SLC12A3: variants seen among roughly 807,000 people sequenced by gnomAD.
The protein encoded by SLC12A3 is solute carrier family 12 member 3, also known as Na-Cl cotransporter.
Under a neutral mutation model 121.0 loss-of-function variants are expected in SLC12A3, and 104 were observed. That is an observed-to-expected ratio of 0.86 (90% CI 0.73 to 1.01). The LOEUF (loss-of-function observed/expected upper bound fraction) is 1.01, where lower values mean the gene tolerates loss of function less well. SLC12A3 is among the 50% of genes least tolerant of loss of function. SLC12A3 has a pLI of 0.00. For missense variants in SLC12A3, 1,328 were observed against 1,356.3 expected (o/e 0.98, Z 0.33); for synonymous variants, 536 against 533.4 (o/e 1.00, Z -0.07).
chr16:56,904,588 G>C, intron 25 of SLC12A3, 126 bp downstream of exon 25: 1 of 901,828 alleles, frequency 1.1e-6, no homozygotes, highest in Non-Finnish European at 1.8e-6. Context: ...AAGGGCCAAA[G>C]TTCCCATAAA....
chr16:56,892,210 T>C, intron 20 of SLC12A3, 77 bp downstream of exon 20: 2 of 1,397,216 alleles, frequency 1.4e-6, no homozygotes, highest in Non-Finnish European at 2.0e-6. Context: ...GTGGGGTGGC[T>C]AGGGGTGGGC....
chr16:56,904,208 G>C lies in SLC12A3; in HGVS notation c.2857-187G>C, dbSNP rs1453098939. ...AATGCTTCTTGGAGGAGGTGAGCTT[G>C]GTGCTCCATTACTCTGAGGGTCCCC... On this transcript the variant is annotated intron_variant, in intron 24 of 25. Transcript: ENST00000563236. The C allele has an allele frequency of 9.9e-6, 6 of 605,056 alleles. No homozygotes were observed. In the East Asian group the frequency reaches 1.9e-4, roughly 19 times the overall value. The allele number at this position is 605,056 out of a possible 1,614,324, so 37.5% of individuals were successfully genotyped here. A position where few individuals can be genotyped will look rare whatever the true frequency, so the allele number is the denominator to read the frequency against.
At chr16:56,870,044 C>G in intron 4 of SLC12A3, 52 bp from the exon 5 acceptor site, 1 of 1,605,892 alleles carries the variant, frequency 6.2e-7, no homozygotes, top group African/African-American at 1.3e-5. Flanking sequence ...CCTGAGTCCA[C>G]CCCAGCCAAC....
Position 56,868,277 on chromosome 16 carries a change from T to C in SLC12A3, c.430-20T>C. ...TTGGGGTGTCCACCCAGGTGGCCTCTGACCCCCCTGTCCTCCCAGATTCGT... is the reference window on the plus strand; with the variant it reads ...TTGGGGTGTCCACCCAGGTGGCCTCCGACCCCCCTGTCCTCCCAGATTCGT... On this transcript the variant is annotated intron_variant, in intron 2 of 25. Transcript: ENST00000563236. 3 of 1,613,152 alleles carry C rather than the reference T, an allele frequency of 1.9e-6. No individual in the cohort carries two copies. The highest frequency in any genetic ancestry group is 2.5e-6 in the Non-Finnish European group (3 of 1,179,508).
chr16:56,873,798 G>A (rs1353297353), intron 8 of SLC12A3, among the ~76,000 whole-genome samples: 1 of 150,838 alleles, frequency 6.6e-6, no homozygotes, highest in Admixed American at 6.7e-5. Context: ...TGCAACCTCC[G>A]CCTCCCGGGT....
At chr16:56,886,549 C>A in intron 16 of SLC12A3, 74 bp downstream of exon 16, 1 of 1,339,042 alleles carries the variant, frequency 7.5e-7, no homozygotes, top group Non-Finnish European at 1.1e-6. Context: ...CTCTGGGGAG[C>A]CAAGACAGGT....
chr16:56,870,363 C>A, intron 5 of SLC12A3, 128 bp downstream of exon 5: 1 of 1,039,576 alleles, frequency 9.6e-7, no homozygotes, highest in Non-Finnish European at 1.4e-6. Flanking sequence ...ACAGCCTGAT[C>A]ACTGTGGGTG....
At chr16:56,875,303 C>T (rs1303514220) in intron 8 of SLC12A3, among the ~76,000 whole-genome samples, 2 of 152,150 alleles carry the variant, frequency 1.3e-5, no homozygotes, top group East Asian at 3.9e-4. Context: ...TCAGCTTCCC[C>T]AATTCTAAAA....
chr16:56,881,383 C>T (rs1000170021), intron 12 of SLC12A3, among the ~76,000 whole-genome samples: 8 of 151,880 alleles, frequency 5.3e-5, no homozygotes, highest in East Asian at 3.9e-4. Context: ...TCCTGCTCAC[C>T]GGGGCCCAGA....
At chr16:56,879,026 G>A (rs1341872329) in intron 9 of SLC12A3, 47 bp from the exon 10 acceptor site, 11 of 1,569,116 alleles carry the variant, frequency 7.0e-6, no homozygotes, top group Non-Finnish European at 9.5e-6. Flanking sequence ...AGAGGACAGA[G>A]TAAGGAGGGA....
chr16:56,892,090 C>T lies in SLC12A3; in HGVS notation c.2376C>T (p.Pro792=), dbSNP rs775878486. 10 of 1,613,238 alleles carry T rather than the reference C, an allele frequency of 6.2e-6. No individual in the cohort carries two copies. The highest frequency in any genetic ancestry group is 4.5e-5 in the East Asian group (2 of 44,870). The change falls in exon 20 of 26, where the codon CCC becomes CCT. Residue 792 remains proline, a synonymous_variant. Transcript: ENST00000563236. ...CTGCCTCTTCTTTTGCAGTTAACCC[C>T]GTGTTTGACCCAGCGGAGGACGGGA... is the stretch of plus-strand genomic sequence containing the variant. ...VSKMMQAHIN[P]VFDPAEDGKE... is the part of the protein sequence containing the mutation.
chr16:56,912,984 G>A (rs753598719), intron 25 of SLC12A3, among the ~76,000 whole-genome samples: 2 of 152,184 alleles, frequency 1.3e-5, no homozygotes, highest in African/African-American at 4.8e-5. Context: ...AGGGCATCGG[G>A]GGTGAGCAAG....
At chr16:56,908,630 C>T (rs2055641969) in intron 25 of SLC12A3, among the ~76,000 whole-genome samples, 2 of 152,208 alleles carry the variant, frequency 1.3e-5, no homozygotes, top group African/African-American at 2.4e-5. Context: ...GCTGGTTGCA[C>T]ACCCAGGAAG....
intron 8 of SLC12A3, 105 bp downstream of exon 8, chr16:56,872,891 G>A: frequency 2.0e-6 from 3 of 1,480,674 alleles, no homozygotes; most frequent in South Asian, 1.1e-5. Flanking sequence ...TGGGAGGCAG[G>A]GCTTCTAAAA....
chr16:56,874,518 G>A (rs1219886927), intron 8 of SLC12A3, among the ~76,000 whole-genome samples: 2 of 152,124 alleles, frequency 1.3e-5, no homozygotes, highest in African/African-American at 4.8e-5. Context: ...GCTGTGCATT[G>A]AGCCAGGCAC....
At position 56,913,825 on chromosome 16, in the gene SLC12A3, G is replaced by A; in HGVS notation, c.*420G>A. On this transcript the variant is annotated 3_prime_UTR_variant, in exon 26 of 26. Transcript: ENST00000563236. ...AATCATGCCCTGCTTCCTCCAATAG[G>A]AGAATGGGAGCCTCACCTGTAGGAC... 1 of 301,332 alleles carries A rather than the reference G, an allele frequency of 3.3e-6. No homozygotes were observed. Among genetic ancestry groups the A allele is most frequent in the Non-Finnish European group, 6.4e-6 (1 of 155,714 alleles). The allele number at this position is 301,332 out of a possible 1,614,324, so 18.7% of individuals were successfully genotyped here.
chr16:56,888,976 G>A (rs961942222), intron 18 of SLC12A3, among the ~76,000 whole-genome samples: 4 of 152,198 alleles, frequency 2.6e-5, no homozygotes, highest in Non-Finnish European at 5.9e-5. Context: ...CTGAGGCGGT[G>A]CCCCTGAACA....
intron 25 of SLC12A3, among the ~76,000 whole-genome samples, chr16:56,911,839 C>T (rs1428369720): frequency 2.0e-5 from 3 of 152,246 alleles, no homozygotes; most frequent in African/African-American, 7.2e-5. Flanking sequence ...CTGGTCAGTA[C>T]TAAGTGGTGA....
At chr16:56,883,409 T>C (rs1365786367) in intron 13 of SLC12A3, among the ~76,000 whole-genome samples, 3 of 151,370 alleles carry the variant, frequency 2.0e-5, no homozygotes, top group Admixed American at 6.6e-5. Flanking sequence ...GCCTCCCCAG[T>C]AGCTGGGATT....
Sources: allele counts gnomAD v4.1 joint callset (sites outside exome capture counted in the v4.1 genomes callset), GRCh38; gene constraint gnomAD v4.1.1; transcripts MANE v1.5; gene names NCBI Gene and HGNC (gene_info 2026-07-23, HGNC 2026-07-21).